Variants in USP42 observed in about 807,000 individuals in gnomAD.
USP42 encodes ubiquitin carboxyl-terminal hydrolase 42.
In USP42, 23 loss-of-function variants were observed where a neutral mutation model predicts 113.0. The observed-to-expected ratio is 0.20, with a 90% CI of 0.15 to 0.29. The LOEUF (loss-of-function observed/expected upper bound fraction) is 0.29, where lower values mean the gene tolerates loss of function less well. USP42 is among the 10% of genes least tolerant of loss of function. The pLI is 1.00. For synonymous variants in USP42, 933 were observed against 699.0 expected (o/e 1.33, Z -5.28); for missense variants, 2,174 against 1,779.8 (o/e 1.22, Z -3.99).
the USP42 span, among the ~76,000 whole-genome samples, chr7:6,099,218 T>C: frequency 7.2e-6 from 1 of 139,056 alleles, no homozygotes; most frequent in Non-Finnish European, 1.6e-5. Flanking sequence ...TCTCTTTTTT[T>C]TTTTTTTTTT....
In USP42 at chr7:6,154,080, C is replaced by T; in HGVS notation, c.2526C>T (p.Gly842=). The change falls in exon 15 of 18, where the codon GGC becomes GGT. Residue 842 remains glycine, a synonymous_variant. Transcript: ENST00000306177. ...ACGCAAAGGGGATGATCGCGGAGGG[C>T]CCGCGGGACTCGGCGTTGGCGGAAG... ...SQDAKGMIAE[G]PRDSALAEAP... 4 of 1,605,782 alleles carry T rather than the reference C, an allele frequency of 2.5e-6. No homozygotes were observed. Among genetic ancestry groups the T allele is most frequent in the African/African-American group, 2.7e-5 (2 of 75,038 alleles).
intron 3 of USP42, chr7:6,128,001 A>C (rs1189370132): frequency 2.0e-5 from 3 of 152,072 alleles, no homozygotes; most frequent in African/African-American, 7.2e-5. Context: ...AGCTCACTGC[A>C]TCCTCAAAAT....
At chr7:6,101,028 A>G (rs930733847), upstream of USP42, among the ~76,000 whole-genome samples, 1 of 150,874 alleles carries the variant, frequency 6.6e-6, no homozygotes, top group African/African-American at 2.5e-5. Context: ...ATTTAGGCGC[A>G]CAAGATTTAG....
rs1017057808 is a variant in USP42, at chr7:6,158,438, G to C, written c.3944-1012G>C. On this transcript the variant is annotated intron_variant, in intron 16 of 17. Transcript: ENST00000306177. The surrounding 1 kb of genome is among the most constrained non-coding windows in gnomAD (Gnocchi z 4.2). ...GCTGCCCTGAGGCCTTTTGCTTCTC[G>C]GCTGAGTTGTGGGTTAGGTGGAGCT... 3.8e-4 allele frequency among the ~76,000 whole-genome samples: 58 copies of C among 152,240 alleles called. No homozygotes were observed. Among genetic ancestry groups the C allele is most frequent in the African/African-American group, 1.3e-3 (52 of 41,550 alleles).
At chr7:6,082,561 A>G in the USP42 span, among the ~76,000 whole-genome samples, 1 of 148,414 alleles carries the variant, frequency 6.7e-6, no homozygotes, top group African/African-American at 2.5e-5. Flanking sequence ...AAGACCAGCC[A>G]GGGCAACATA....
rs868742158 is a variant in USP42 at position 6,149,764 on chromosome 7, C to T, written c.1568C>T (p.Thr523Ile). The change falls in exon 13 of 18, where the codon ACA (threonine) becomes ATA (isoleucine). Residue 523 changes from threonine to isoleucine, a missense_variant. Thr to Ile is a moderately conservative substitution (Grantham distance 89, BLOSUM62 -1). Coordinates refer to ENST00000306177, the MANE Select transcript of USP42 (RefSeq NM_032172.3). ...IPEHPKKQKI[T>I]ISIHNKLPVR... is the part of the protein sequence containing the mutation. ...GAACATCCTAAGAAACAAAAAATTA[C>T]AATCAGTATTCACAACAAGTTGCCT... 1 of 1,613,984 alleles carries T rather than the reference C, an allele frequency of 6.2e-7. No homozygotes were observed. Among genetic ancestry groups the T allele is most frequent in the Admixed American group, 1.7e-5 (1 of 60,012 alleles).
rs1163829608 is a variant in USP42 at position 6,158,795 on chromosome 7, T to G, written c.3944-655T>G. On this transcript the variant is annotated intron_variant, in intron 16 of 17. Transcript: ENST00000306177. This position sits in a 1 kb window ranked among gnomAD's most constrained non-coding sequence, Gnocchi z 4.2. The stretch of plus-strand genomic sequence containing the variant: ...CCGAGGATGCAGTGGATGGGCTCAT[T>G]CTGAGTGTGGTGCAGGCTCCCAGGA... Among the ~76,000 whole-genome samples the G allele has an allele frequency of 1.3e-5, 2 of 152,096 alleles. No individual in the cohort carries two copies. Among genetic ancestry groups the G allele is most frequent in the African/African-American group, 4.8e-5 (2 of 41,406 alleles).
At chr7:6,084,109 C>G in the USP42 span, among the ~76,000 whole-genome samples, 1 of 151,328 alleles carries the variant, frequency 6.6e-6, no homozygotes, top group Non-Finnish European at 1.5e-5. Flanking sequence ...TCACTGCAAC[C>G]TCCGCCTCTC....
chr7:6,102,834 G>C (rs1319378065), upstream of USP42, among the ~76,000 whole-genome samples: 2 of 151,136 alleles, frequency 1.3e-5, no homozygotes, highest in Non-Finnish European at 2.9e-5. Flanking sequence ...TGCTCAGAGT[G>C]GGGGAGTCAA....
chr7:6,105,811 C>T (rs572940041), intron 1 of USP42, among the ~76,000 whole-genome samples: 4 of 152,288 alleles, frequency 2.6e-5, no homozygotes, highest in Admixed American at 1.3e-4. Flanking sequence ...CAAGTTTTCC[C>T]ATCTAGGACT....
intron 3 of USP42, among the ~76,000 whole-genome samples, chr7:6,122,636 A>G (rs964045858): frequency 6.8e-6 from 1 of 147,040 alleles, no homozygotes; most frequent in African/African-American, 2.5e-5. Flanking sequence ...ACACCCAGCT[A>G]ATTTTTATAT....
intron 3 of USP42, 58 bp downstream of exon 3, chr7:6,115,581 T>C: frequency 1.3e-6 from 2 of 1,562,126 alleles, no homozygotes; most frequent in Non-Finnish European, 1.8e-6. Context: ...TTTCATTTTT[T>C]CCTCTGAAAT....
chr7:6,157,028 A>G lies in USP42; in HGVS notation c.3916A>G (p.Arg1306Gly). 1.2e-5 allele frequency: 20 copies of G among 1,610,404 alleles called. No homozygotes were observed. Among genetic ancestry groups the G allele is most frequent in the Non-Finnish European group, 1.6e-5 (19 of 1,178,768 alleles). Residue 1306 changes from arginine to glycine, a missense_variant, in exon 16 of 18, where the codon AGG becomes GGG. Transcript: ENST00000306177. The surrounding 1 kb of genome is among the most constrained non-coding windows in gnomAD (Gnocchi z 4.1). ...CTTACGGATGGAAAGCAGGGATGAC[A>G]GGTGTCGTCTCTTTGAGTATGGCCA... ...KHLRMESRDD[R>G]CRLFEYGQGD is the part of the protein sequence containing the mutation.
chr7:6,113,070 C>A (rs1449447734), intron 2 of USP42, among the ~76,000 whole-genome samples: 2 of 151,444 alleles, frequency 1.3e-5, no homozygotes, highest in Non-Finnish European at 2.9e-5. Flanking sequence ...TGCCCAGCTA[C>A]ATTTTTGTAT....
At chr7:6,126,813 G>A (rs1361038913) in intron 3 of USP42, among the ~76,000 whole-genome samples, 1 of 152,192 alleles carries the variant, frequency 6.6e-6, no homozygotes, top group Non-Finnish European at 1.5e-5. Context: ...GATATGGTGA[G>A]TGGAGCTGCT....
chr7:6,139,297 A>G lies in USP42; in HGVS notation c.656+103A>G. 1 of 904,760 alleles carries G rather than the reference A, an allele frequency of 1.1e-6. No homozygotes were observed. The highest frequency in any genetic ancestry group is 1.9e-5 in the South Asian group (1 of 52,310). 56.0% of individuals were successfully genotyped at this position (904,760 alleles called of 1,614,324 possible). ...ACCTTTTTTGTTGGAAGCACACAGA[A>G]CAGTGTTCACTTTACCTTTTGGCTT... On this transcript the variant is annotated intron_variant, in intron 5 of 17. Coordinates refer to ENST00000306177, the MANE Select transcript of USP42 (RefSeq NM_032172.3). The surrounding 1 kb of genome is among the most constrained non-coding windows in gnomAD (Gnocchi z 4.5).
Position 6,154,137 on chromosome 7 carries a change from G to A in USP42, c.2583G>A (p.Ala861=). 1 of 1,597,004 alleles carries A rather than the reference G, an allele frequency of 6.3e-7. No individual in the cohort carries two copies. Among genetic ancestry groups the A allele is most frequent in the Non-Finnish European group, 8.5e-7 (1 of 1,173,248 alleles). Residue 861 remains alanine, a synonymous_variant, in exon 15 of 18, where the codon GCG becomes GCA. Coordinates refer to ENST00000306177, the MANE Select transcript of USP42 (RefSeq NM_032172.3). ...APEGLSPAPP[A]RSEEPCEQPL... is the part of the protein sequence containing the mutation. ...AAGGGTTGAGTCCGGCTCCGCCTGCGCGGTCGGAGGAGCCCTGCGAGCAGC... is the reference window on the plus strand; with the variant it reads ...AAGGGTTGAGTCCGGCTCCGCCTGCACGGTCGGAGGAGCCCTGCGAGCAGC...
rs747492566 is a variant in USP42 at position 6,154,615 on chromosome 7, C to A, written c.3061C>A (p.His1021Asn). The change falls in exon 15 of 18, where the codon CAC becomes AAC. Residue 1021 changes from histidine (H) to asparagine (N), a missense_variant. By Grantham distance (68) the His-to-Asn change is moderately conservative. Coordinates refer to ENST00000306177, the MANE Select transcript of USP42 (RefSeq NM_032172.3). ...RRSLGRCSHH[H>N]SRHRSGVELD... is the part of the protein sequence containing the mutation. ...CTCTCTGGGCAGGTGCAGTCACCAC[C>A]ACTCCCGACACCGGAGCGGGGTGGA... 7.3e-5 allele frequency: 116 copies of A among 1,594,196 alleles called. No individual in the cohort carries two copies. Among genetic ancestry groups the A allele is most frequent in the Non-Finnish European group, 9.6e-5 (112 of 1,172,304 alleles).
intron 4 of USP42, among the ~76,000 whole-genome samples, chr7:6,137,035 G>C (rs542599229): frequency 6.6e-6 from 1 of 152,172 alleles, no homozygotes; most frequent in Non-Finnish European, 1.5e-5. Flanking sequence ...AAATGGGTAA[G>C]TGCATGAAAT....
Sources: allele counts gnomAD v4.1 joint callset (sites outside exome capture counted in the v4.1 genomes callset), GRCh38; gene constraint gnomAD v4.1.1; non-coding constraint Gnocchi (gnomAD v3.1); transcripts MANE v1.5; gene names NCBI Gene and HGNC (gene_info 2026-07-23, HGNC 2026-07-21).